The following ATP7A variants were observed in gnomAD, a reference collection of about 807,000 sequenced individuals.
ATP7A encodes ATPase copper transporting alpha.
In ATP7A, 7 loss-of-function variants were observed where a neutral mutation model predicts 83.5. The observed-to-expected ratio is 0.08, with a 90% CI of 0.05 to 0.16. The LOEUF (loss-of-function observed/expected upper bound fraction) is 0.16, where lower values mean the gene tolerates loss of function less well. ATP7A is among the 10% of genes least tolerant of loss of function. ATP7A has a pLI of 1.00. For missense variants in ATP7A, 940 were observed against 1,120.8 expected (o/e 0.84, Z 2.30); for synonymous variants, 354 against 395.2 (o/e 0.90, Z 1.24).
chrX:78,038,039 T>TGCGGATAGGACAATGTACA (rs1404982821), intron 17 of ATP7A, among the ~76,000 whole-genome samples: 1 of 91,621 alleles, frequency 1.1e-5, no homozygotes, highest in Non-Finnish European at 2.1e-5. Flanking sequence ...AGAAAAGTTG[T>TGCGGATAGGACAATGTACA]GCAGGAGTGG....
Position 78,026,747 on chromosome X carries a change from C to A in ATP7A, c.2917-2503C>A, listed in dbSNP as rs1054255068. Among the ~76,000 whole-genome samples, 4 of 111,467 alleles carry A rather than the reference C, an allele frequency of 3.6e-5. No homozygotes were observed. The South Asian group carries it at 1.5e-3, about 42-fold the overall frequency. On this transcript the variant is annotated intron_variant, in intron 14 of 22. Transcript: ENST00000341514. ...ATCAGATCAAGCGTCTTCCTAGACT[C>A]CAGTGGAATAAAATTAGAAATCAAT...
chrX:77,993,094 C>T (rs1324667679), intron 4 of ATP7A, among the ~76,000 whole-genome samples: 1 of 112,087 alleles, frequency 8.9e-6, no homozygotes, highest in African/African-American at 3.2e-5. Flanking sequence ...ATCAGTATCA[C>T]CAAAACAAGT....
chrX:77,968,832 C>T (rs2077525166), intron 1 of ATP7A: 1 of 1,207,095 alleles, frequency 8.3e-7, no homozygotes, highest in South Asian at 1.8e-5. Context: ...ACAAGACCAG[C>T]AGGGAGGGTG....
chrX:78,030,013 G>C (rs1415194178), intron 15 of ATP7A, among the ~76,000 whole-genome samples: 1 of 112,415 alleles, frequency 8.9e-6, no homozygotes, highest in African/African-American at 3.2e-5. Context: ...GCTATGTACA[G>C]AGGTATATAG....
intron 1 of ATP7A, among the ~76,000 whole-genome samples, chrX:77,967,469 A>C (rs1384249530): frequency 8.9e-6 from 1 of 111,877 alleles, no homozygotes; most frequent in African/African-American, 3.3e-5. Flanking sequence ...ATGGTATCTC[A>C]TTGTGGTTTT....
intron 3 of ATP7A, 143 bp from the exon 4 acceptor site, chrX:77,989,090 T>G (rs2077654827): frequency 1.3e-6 from 1 of 755,860 alleles, no homozygotes; most frequent in Admixed American, 3.9e-5. Context: ...AATAACATTT[T>G]CTGAAAAGAA....
At position 77,995,567 on chromosome X, in the gene ATP7A, CAA is replaced by C. The variant is rs1232051931; in HGVS notation, c.1337-2891_1337-2890del. ...GGGTGACAAGAGCGAGACTCCATCTCAAAAAAAAAAAAAAAAAAAAAGAGGTA... is the reference window on the plus strand; with the variant it reads ...GGGTGACAAGAGCGAGACTCCATCTCAAAAAAAAAAAAAAAAAAAGAGGTA... On this transcript the variant is annotated intron_variant, in intron 4 of 22. Transcript: ENST00000341514. Among the ~76,000 whole-genome samples, 69 of 35,008 alleles carry C rather than the reference CAA, an allele frequency of 2.0e-3. 1 individual carries two copies. Among genetic ancestry groups the C allele is most frequent in the African/African-American group, 6.7e-3 (57 of 8,528 alleles). The allele number at this position is 35,008 out of a possible 115,157, so 30.4% of individuals were successfully genotyped here.
chrX:77,989,145 T>G, intron 3 of ATP7A, 88 bp from the exon 4 acceptor site: 1 of 972,354 alleles, frequency 1.0e-6, no homozygotes, highest in Non-Finnish European at 1.4e-6. Flanking sequence ...GAGAAACAAT[T>G]ATTTGTGGTT....
At chrX:77,948,369 G>A (rs1443746008) in intron 1 of ATP7A, among the ~76,000 whole-genome samples, 2 of 110,540 alleles carry the variant, frequency 1.8e-5, no homozygotes, top group African/African-American at 6.6e-5. Flanking sequence ...CTCGTGATCC[G>A]CCTGCCTTGG....
intron 14 of ATP7A, among the ~76,000 whole-genome samples, chrX:78,023,815 A>T (rs1241448434): frequency 9.0e-6 from 1 of 111,169 alleles, no homozygotes. Flanking sequence ...AATCTCCTTT[A>T]TTAATTTTTG....
At chrX:78,039,060 T>C in intron 18 of ATP7A, 78 bp downstream of exon 18, 1 of 1,054,480 alleles carries the variant, frequency 9.5e-7, no homozygotes, top group Non-Finnish European at 1.3e-6. Context: ...GAGAGACCTC[T>C]GAACTATGAG....
At chrX:78,010,537 A>G (rs898885334) in intron 7 of ATP7A, among the ~76,000 whole-genome samples, 2 of 104,407 alleles carry the variant, frequency 1.9e-5, no homozygotes, top group Non-Finnish European at 3.9e-5. Flanking sequence ...TGCATATGCA[A>G]GGCCTTGAAT....
chrX:78,008,669 G>A, intron 6 of ATP7A, among the ~76,000 whole-genome samples: 1 of 110,613 alleles, frequency 9.0e-6, no homozygotes, highest in East Asian at 2.8e-4. Flanking sequence ...TGTTCAATGT[G>A]GTATAAAAAT....
In ATP7A at chrX:78,049,370, C is replaced by G. The variant is rs1569550400; in HGVS notation, c.*2800C>G. On this transcript the variant is annotated 3_prime_UTR_variant, in exon 23 of 23. Transcript: ENST00000341514. ...TTGATATTTGAATATTTGAAGTTCT[C>G]TATTTATATTTCATTTATCACTCTT... The G allele has an allele frequency of 8.9e-6, 1 of 112,252 alleles. No homozygotes were observed. Among genetic ancestry groups the G allele is most frequent in the East Asian group, 2.8e-4 (1 of 3,597 alleles). The allele number at this position is 112,252 out of a possible 1,213,427, so 9.3% of individuals were successfully genotyped here.
At chrX:77,941,504 C>T (rs1366833233) in intron 1 of ATP7A, among the ~76,000 whole-genome samples, 1 of 110,642 alleles carries the variant, frequency 9.0e-6, no homozygotes, top group Non-Finnish European at 1.9e-5. Flanking sequence ...CAAAGTGCTG[C>T]GATTACAGGC....
intron 17 of ATP7A, among the ~76,000 whole-genome samples, chrX:78,034,864 C>T (rs1439221591): frequency 9.1e-6 from 1 of 109,899 alleles, no homozygotes; most frequent in Non-Finnish European, 1.9e-5. Context: ...CTGCCTCAGC[C>T]CCCAGGAAGC....
intron 1 of ATP7A, among the ~76,000 whole-genome samples, chrX:77,953,639 A>G (rs1459753932): frequency 8.9e-6 from 1 of 112,201 alleles, no homozygotes; most frequent in African/African-American, 3.2e-5. Context: ...AAAGGCACAT[A>G]TATACTTGAG....
At chrX:78,041,236 C>T (rs1477056075) in intron 19 of ATP7A, among the ~76,000 whole-genome samples, 1 of 111,636 alleles carries the variant, frequency 9.0e-6, no homozygotes, top group Admixed American at 9.6e-5. Flanking sequence ...CTCCCCTCTT[C>T]TAATAAATAA....
At chrX:77,990,502 A>G (rs1370741137) in intron 4 of ATP7A, among the ~76,000 whole-genome samples, 2 of 111,677 alleles carry the variant, frequency 1.8e-5, no homozygotes, top group Non-Finnish European at 3.8e-5. Flanking sequence ...GAATGTATGT[A>G]TGTAGCTATG....
Sources: allele counts gnomAD v4.1 joint callset (sites outside exome capture counted in the v4.1 genomes callset), GRCh38; gene constraint gnomAD v4.1.1; transcripts MANE v1.5; gene names NCBI Gene and HGNC (gene_info 2026-07-23, HGNC 2026-07-21).